The following NOX4 variants were observed in gnomAD, a reference collection of about 807,000 sequenced individuals.
NOX4 encodes NADPH oxidase 4.
A neutral mutation model predicts 87.6 loss-of-function variants in NOX4; 69 were observed. The ratio of observed to expected loss-of-function variants is 0.79; its 90% CI spans 0.65 to 0.96. The LOEUF is 0.96. NOX4 is among the 40% of genes least tolerant of loss of function. The pLI is 0.00. For synonymous variants in NOX4, 275 were observed against 238.2 expected, an observed-to-expected ratio of 1.15 and a Z score of -1.42; for missense variants, 680 against 681.5, an observed-to-expected ratio of 1.00 and a Z score of 0.02.
chr11:89,542,805 T>C, the NOX4 span, among the ~76,000 whole-genome samples: 416 of 152,290 alleles, frequency 2.7e-3, 3 homozygotes, highest in African/African-American at 9.5e-3. Flanking sequence ...AATTTAAGAC[T>C]GAAAATTTTT....
intron 11 of NOX4, among the ~76,000 whole-genome samples, chr11:89,396,245 T>C (rs1941474515): frequency 6.6e-6 from 1 of 152,150 alleles, no homozygotes; most frequent in East Asian, 1.9e-4. Flanking sequence ...GATTCCTAGG[T>C]ATTTTATTCT....
the NOX4 span, among the ~76,000 whole-genome samples, chr11:89,532,918 T>C: frequency 2.0e-5 from 3 of 149,990 alleles, no homozygotes; most frequent in East Asian, 5.8e-4. Context: ...TCATGTAAGA[T>C]GCATCTTGCT....
At chr11:89,461,327 A>C (rs1945452939) in intron 2 of NOX4, among the ~76,000 whole-genome samples, 1 of 151,926 alleles carries the variant, frequency 6.6e-6, no homozygotes, top group South Asian at 2.1e-4. Context: ...AGAATATGAA[A>C]CAAAAAAATA....
At chr11:89,491,812 T>C (rs1259420096), upstream of NOX4, among the ~76,000 whole-genome samples, 1 of 151,126 alleles carries the variant, frequency 6.6e-6, no homozygotes, top group Non-Finnish European at 1.5e-5. Context: ...CCAAAAAAGT[T>C]CATCTCAAAG....
the NOX4 span, among the ~76,000 whole-genome samples, chr11:89,523,574 G>T: frequency 1.3e-5 from 2 of 152,106 alleles, no homozygotes; most frequent in Non-Finnish European, 2.9e-5. Context: ...TTTCTTCTCT[G>T]TAGAAATTGA....
At chr11:89,335,146 C>T (rs545689925) in intron 17 of NOX4, among the ~76,000 whole-genome samples, 45 of 151,702 alleles carry the variant, frequency 3.0e-4, no homozygotes, top group African/African-American at 8.7e-4. Flanking sequence ...CCTAAAAATA[C>T]GTGAGTGGTT....
At chr11:89,419,041 T>G (rs1942946699) in intron 8 of NOX4, among the ~76,000 whole-genome samples, 1 of 152,098 alleles carries the variant, frequency 6.6e-6, no homozygotes, top group South Asian at 2.1e-4. Flanking sequence ...ACATGAATGT[T>G]TACATTTTAA....
At chr11:89,428,896 A>G (rs951452633) in intron 7 of NOX4, among the ~76,000 whole-genome samples, 1 of 152,216 alleles carries the variant, frequency 6.6e-6, no homozygotes, top group African/African-American at 2.4e-5. Context: ...CTCCACTCCA[A>G]TCAGCAGAAT....
the NOX4 span, among the ~76,000 whole-genome samples, chr11:89,585,541 C>T: frequency 6.6e-6 from 1 of 152,138 alleles, no homozygotes; most frequent in Non-Finnish European, 1.5e-5. Context: ...AATTAATCAA[C>T]TCTGACACTG....
intron 2 of NOX4, among the ~76,000 whole-genome samples, chr11:89,475,603 A>C (rs910255624): frequency 6.6e-6 from 1 of 152,102 alleles, no homozygotes; most frequent in African/African-American, 2.4e-5. Context: ...ATAACTGAGG[A>C]TATATTAACG....
In NOX4 at chr11:89,450,794, A is replaced by G. The variant is rs547704210; in HGVS notation, c.264+991T>C. 2.7e-5 allele frequency among the ~76,000 whole-genome samples: 4 copies of G among 149,570 alleles called. No individual in the cohort carries two copies. The South Asian group carries it at 8.4e-4, about 32-fold the overall frequency. ...TATGTTTATTGTGGCACTATTCACAATAGTAAAGACTTGGAACCAACCCAA... is the reference window on the plus strand; with the variant it reads ...TATGTTTATTGTGGCACTATTCACAGTAGTAAAGACTTGGAACCAACCCAA... On this transcript the variant is annotated intron_variant, in intron 3 of 17. Coordinates refer to ENST00000263317, the MANE Select transcript of NOX4 (RefSeq NM_016931.5).
At chr11:89,516,827 G>A in the NOX4 span, among the ~76,000 whole-genome samples, 3 of 151,922 alleles carry the variant, frequency 2.0e-5, no homozygotes, top group East Asian at 5.8e-4. Flanking sequence ...TAAGTCTAGG[G>A]GTGTCTGCTG....
At chr11:89,567,177 C>T in the NOX4 span, among the ~76,000 whole-genome samples, 1 of 152,140 alleles carries the variant, frequency 6.6e-6, no homozygotes, top group Non-Finnish European at 1.5e-5. Context: ...GGGCACCTCC[C>T]CGGCCACACC....
the NOX4 span, among the ~76,000 whole-genome samples, chr11:89,527,545 T>C: frequency 6.6e-6 from 1 of 152,166 alleles, no homozygotes; most frequent in African/African-American, 2.4e-5. Context: ...CCTTGCTTCT[T>C]TGTTCAGTCT....
intron 11 of NOX4, among the ~76,000 whole-genome samples, chr11:89,394,392 C>T (rs1460816480): frequency 5.9e-5 from 9 of 152,018 alleles, no homozygotes; most frequent in Non-Finnish European, 2.9e-5. Flanking sequence ...GTACTTGACA[C>T]TCAGCAACTG....
chr11:89,413,680 GA>G (rs1942608087), intron 8 of NOX4, among the ~76,000 whole-genome samples: 1 of 152,080 alleles, frequency 6.6e-6, no homozygotes, highest in Non-Finnish European at 1.5e-5. Flanking sequence ...CTGCGAATGA[GA>G]GGGGGAGAAG....
chr11:89,463,246 T>A (rs755717452), intron 2 of NOX4, among the ~76,000 whole-genome samples: 3 of 151,904 alleles, frequency 2.0e-5, no homozygotes, highest in Non-Finnish European at 4.4e-5. Context: ...GAATTCTACA[T>A]CCTAGATCAG....
At chr11:89,409,093 C>T (rs1942336664) in intron 8 of NOX4, among the ~76,000 whole-genome samples, 2 of 148,618 alleles carry the variant, frequency 1.3e-5, no homozygotes, top group South Asian at 4.4e-4. Flanking sequence ...TGACCCCTTG[C>T]AAAGAAAAAA....
Position 89,421,765 on chromosome 11 carries a change from T to C in NOX4, c.629+137A>G. The C allele has an allele frequency of 5.6e-6, 3 of 535,526 alleles. No individual in the cohort carries two copies. In the East Asian group the frequency reaches 1.0e-4, roughly 18 times the overall value. The allele number at this position is 535,526 out of a possible 1,614,324, so 33.2% of individuals were successfully genotyped here. On this transcript the variant is annotated intron_variant, in intron 8 of 17. Coordinates refer to ENST00000263317, the MANE Select transcript of NOX4 (RefSeq NM_016931.5). ...AAACTATTTCTTCCATTCTTGACGT[T>C]ATCCTCAATAGTAGAGAAACTATTT...
Sources: allele counts gnomAD v4.1 joint callset (sites outside exome capture counted in the v4.1 genomes callset), GRCh38; gene constraint gnomAD v4.1.1; transcripts MANE v1.5; gene names NCBI Gene and HGNC (gene_info 2026-07-23, HGNC 2026-07-21).